GPR63: variants seen among roughly 807,000 people sequenced by gnomAD.
GPR63 encodes the protein probable G protein-coupled receptor 63.
Under a neutral mutation model 23.1 loss-of-function variants are expected in GPR63, and 12 were observed. That is an observed-to-expected ratio of 0.52 (90% CI 0.33 to 0.84). The LOEUF is 0.84. Ranked by LOEUF, GPR63 falls within the 40% of genes least tolerant of loss-of-function variation. The pLI is 0.02. For synonymous variants in GPR63, 172 were observed against 191.1 expected (o/e 0.90, Z 0.82); for missense variants, 472 against 515.6 (o/e 0.92, Z 0.82).
At chr6:96,810,957 T>C (rs1774027296) in intron 1 of GPR63, among the ~76,000 whole-genome samples, 1 of 152,182 alleles carries the variant, frequency 6.6e-6, no homozygotes, top group Non-Finnish European at 1.5e-5. Context: ...ATTTGTAACA[T>C]ATCTGACCTA....
At chr6:96,830,643 C>T (rs1405998804) in intron 1 of GPR63, among the ~76,000 whole-genome samples, 1 of 152,066 alleles carries the variant, frequency 6.6e-6, no homozygotes, top group Non-Finnish European at 1.5e-5. Context: ...GGAGTACATG[C>T]GTGTTTACCT....
At chr6:96,837,245 G>C (rs559945719) in intron 1 of GPR63, 23 bp downstream of exon 1, 6 of 152,544 alleles carry the variant, frequency 3.9e-5, no homozygotes, top group Non-Finnish European at 8.8e-5. Context: ...ATCGCGGGCC[G>C]GGGATCCCGA....
intron 1 of GPR63, among the ~76,000 whole-genome samples, chr6:96,818,456 T>G (rs1409424145): frequency 6.7e-6 from 1 of 149,340 alleles, no homozygotes; most frequent in African/African-American, 2.5e-5. Flanking sequence ...AGAATAAAAC[T>G]CCCATTCAAA....
intron 1 of GPR63, among the ~76,000 whole-genome samples, chr6:96,823,977 CTCA>C (rs1774372660): frequency 1.3e-5 from 2 of 152,052 alleles, no homozygotes; most frequent in Admixed American, 1.3e-4. Context: ...AAGAAATTGC[CTCA>C]TGACTCACTT....
intron 1 of GPR63, among the ~76,000 whole-genome samples, chr6:96,832,370 T>C (rs997774758): frequency 6.6e-6 from 1 of 151,638 alleles, no homozygotes; most frequent in African/African-American, 2.4e-5. Flanking sequence ...GCTCAAGCAA[T>C]CCTCCCACTT....
intron 1 of GPR63, among the ~76,000 whole-genome samples, chr6:96,822,759 C>T (rs1774344803): frequency 6.6e-6 from 1 of 152,178 alleles, no homozygotes; most frequent in Admixed American, 6.5e-5. Flanking sequence ...ATCAGGGAGA[C>T]TCACACTAAA....
intron 1 of GPR63, among the ~76,000 whole-genome samples, chr6:96,823,670 C>T (rs1259490893): frequency 1.3e-5 from 2 of 152,098 alleles, no homozygotes; most frequent in Non-Finnish European, 2.9e-5. Context: ...CAGACTTTCA[C>T]GTTCACTTAC....
chr6:96,820,510 G>C (rs577246178), intron 1 of GPR63, among the ~76,000 whole-genome samples: 1 of 152,032 alleles, frequency 6.6e-6, no homozygotes, highest in East Asian at 1.9e-4. Flanking sequence ...TACTTACCTA[G>C]TAATCTAAAA....
chr6:96,808,850 G>C (rs1345750476), intron 1 of GPR63, among the ~76,000 whole-genome samples: 1 of 152,000 alleles, frequency 6.6e-6, no homozygotes, highest in Non-Finnish European at 1.5e-5. Context: ...ATGTATACAT[G>C]TGCCATGCTG....
chr6:96,798,897 A>G lies in GPR63; in HGVS notation c.835T>C (p.Tyr279His). Residue 279 changes from tyrosine (Y) to histidine (H), a missense_variant, in exon 2 of 2, where the codon TAC becomes CAC. Coordinates refer to ENST00000229955, the MANE Select transcript of GPR63 (RefSeq NM_030784.4). The part of the protein sequence containing the change: ...LRHNALRIHS[Y>H]PEGICLSQAS... The stretch of plus-strand genomic sequence containing the variant: ...TGGCTGAGGCATATACCTTCAGGGT[A>G]GCTATGGATCCTCAAGGCATTGTGC... 2 of 1,614,234 alleles carry G rather than the reference A, an allele frequency of 1.2e-6. No homozygotes were observed. Among genetic ancestry groups the G allele is most frequent in the Non-Finnish European group, 1.7e-6 (2 of 1,180,042 alleles).
rs1437044890 is a variant in GPR63, at chr6:96,797,398, A to G, written c.*1074T>C. On this transcript the variant is annotated 3_prime_UTR_variant, in exon 2 of 2. Coordinates refer to ENST00000229955, the MANE Select transcript of GPR63 (RefSeq NM_030784.4). ...TAGAGTTCCCTCTTGACTATGTGAC[A>G]TCTAAACTGAATGAACTGTCTGCGT... The G allele has an allele frequency of 6.6e-6, 1 of 152,216 alleles. No homozygotes were observed. The highest frequency in any genetic ancestry group is 1.5e-5 in the Non-Finnish European group (1 of 68,044). The allele number at this position is 152,216 out of a possible 1,614,324, so 9.4% of individuals were successfully genotyped here. A position where few individuals can be genotyped will look rare whatever the true frequency, so the allele number is the denominator to read the frequency against.
chr6:96,823,477 T>A (rs1363533692), intron 1 of GPR63, among the ~76,000 whole-genome samples: 2 of 152,154 alleles, frequency 1.3e-5, no homozygotes, highest in East Asian at 3.8e-4. Flanking sequence ...AACATTTGCA[T>A]ACAAATGTAC....
intron 1 of GPR63, among the ~76,000 whole-genome samples, chr6:96,835,449 C>T (rs1325396546): frequency 6.6e-6 from 1 of 151,942 alleles, no homozygotes; most frequent in Non-Finnish European, 1.5e-5. Flanking sequence ...TTCCAAAATA[C>T]TCATTCACAA....
At chr6:96,811,327 C>G (rs559654998) in intron 1 of GPR63, among the ~76,000 whole-genome samples, 19 of 152,344 alleles carry the variant, frequency 1.2e-4, no homozygotes, top group Non-Finnish European at 5.9e-5. Flanking sequence ...CAACTCATTA[C>G]TGACAGCAGA....
In GPR63 at chr6:96,799,576, A is replaced by G; in HGVS notation, c.156T>C (p.Ala52=). 1.2e-6 allele frequency: 2 copies of G among 1,614,148 alleles called. No individual in the cohort carries two copies. The highest frequency in any genetic ancestry group is 2.2e-5 in the South Asian group (2 of 91,080). Residue 52 remains alanine, a synonymous_variant, in exon 2 of 2, where the codon GCT becomes GCC. Transcript: ENST00000229955. ...PLLRYSFETM[A]PTGLSSLTVN... ...CGGTCAAGGAACTCAAACCAGTGGG[A>G]GCCATGGTTTCAAAACTATATCTAA...
chr6:96,823,252 C>G (rs1774355263), intron 1 of GPR63, among the ~76,000 whole-genome samples: 1 of 152,022 alleles, frequency 6.6e-6, no homozygotes, highest in African/African-American at 2.4e-5. Context: ...AGGAAGTATT[C>G]CAGAAGAAGG....
At chr6:96,824,303 C>T (rs1774384141) in intron 1 of GPR63, among the ~76,000 whole-genome samples, 1 of 151,960 alleles carries the variant, frequency 6.6e-6, no homozygotes, top group African/African-American at 2.4e-5. Flanking sequence ...TGCTGGCAAA[C>T]CATTTTAAAT....
intron 1 of GPR63, among the ~76,000 whole-genome samples, chr6:96,818,980 C>CATCTAATGATCA (rs1197010620): frequency 7.0e-4 from 106 of 152,306 alleles, no homozygotes; most frequent in African/African-American, 2.5e-3. Flanking sequence ...CCATCTCACA[C>CATCTAATGATCA]CAGTTAGAAT....
chr6:96,801,554 A>G (rs1773766742), intron 1 of GPR63, among the ~76,000 whole-genome samples: 2 of 152,210 alleles, frequency 1.3e-5, no homozygotes, highest in African/African-American at 4.8e-5. Context: ...TTACTAATGC[A>G]TGATGGGTAG....
Sources: allele counts gnomAD v4.1 joint callset (sites outside exome capture counted in the v4.1 genomes callset), GRCh38; gene constraint gnomAD v4.1.1; transcripts MANE v1.5; gene names NCBI Gene and HGNC (gene_info 2026-07-23, HGNC 2026-07-21).